MARCHF1: variants seen among roughly 807,000 people sequenced by gnomAD.
MARCHF1 encodes E3 ubiquitin-protein ligase MARCHF1.
MARCHF1 carries 40 observed loss-of-function variants against 54.2 expected under a neutral mutation model. That is an observed-to-expected ratio of 0.74 (90% confidence interval 0.57 to 0.96). The LOEUF (loss-of-function observed/expected upper bound fraction) is 0.96, where lower values mean the gene tolerates loss of function less well. Among genes scored for constraint, MARCHF1 ranks in the 40% least tolerant of loss-of-function variants. MARCHF1 has a pLI of 0.00. For synonymous variants in MARCHF1, 236 were observed against 236.3 expected (o/e 1.00, Z 0.01); for missense variants, 586 against 656.5 (o/e 0.89, Z 1.17).
chr4:163,893,455 T>C (rs1750708161), intron 3 of MARCHF1, among the ~76,000 whole-genome samples: 1 of 152,154 alleles, frequency 6.6e-6, no homozygotes, highest in South Asian at 2.1e-4. Context: ...TTAGGGCTGT[T>C]TGCCATACAA....
intron 1 of MARCHF1, among the ~76,000 whole-genome samples, chr4:164,275,954 C>CT (rs1013218885): frequency 6.6e-6 from 1 of 152,132 alleles, no homozygotes; most frequent in Non-Finnish European, 1.5e-5. Context: ...ATTTGTCATT[C>CT]TTTTGTTTAT....
intron 8 of MARCHF1, among the ~76,000 whole-genome samples, chr4:163,573,862 G>C (rs1278646546): frequency 6.6e-6 from 1 of 151,570 alleles, no homozygotes; most frequent in Non-Finnish European, 1.5e-5. Context: ...GGTATTTCTA[G>C]TTCTAGATCC....
intron 1 of MARCHF1, among the ~76,000 whole-genome samples, chr4:164,121,915 C>T (rs184689769): frequency 1.3e-5 from 2 of 152,138 alleles, no homozygotes; most frequent in Admixed American, 1.3e-4. Flanking sequence ...AGGCCAATAT[C>T]TCTGATGAAT....
intron 1 of MARCHF1, among the ~76,000 whole-genome samples, chr4:164,290,739 C>A (rs1734266038): frequency 6.6e-6 from 1 of 151,882 alleles, no homozygotes; most frequent in South Asian, 2.1e-4. Flanking sequence ...AGTATTCATA[C>A]TTCACTTTAA....
intron 4 of MARCHF1, among the ~76,000 whole-genome samples, chr4:163,722,911 T>C (rs1322860226): frequency 6.6e-6 from 1 of 152,198 alleles, no homozygotes; most frequent in Non-Finnish European, 1.5e-5. Flanking sequence ...TTTGAGCCTA[T>C]GTGTGTCTCT....
chr4:163,593,374 A>G (rs1314605915), intron 7 of MARCHF1, among the ~76,000 whole-genome samples: 1 of 152,226 alleles, frequency 6.6e-6, no homozygotes, highest in African/African-American at 2.4e-5. Context: ...AAAAAGGCAA[A>G]ACAAAGGGAC....
At chr4:163,752,280 G>C (rs1579257008) in intron 4 of MARCHF1, among the ~76,000 whole-genome samples, 1 of 149,990 alleles carries the variant, frequency 6.7e-6, no homozygotes, top group Non-Finnish European at 1.5e-5. Context: ...AAATGGGAAA[G>C]GTTTTTTAAA....
intron 3 of MARCHF1, among the ~76,000 whole-genome samples, chr4:163,854,487 G>A (rs1226305728): frequency 6.6e-6 from 1 of 152,130 alleles, no homozygotes; most frequent in African/African-American, 2.4e-5. Flanking sequence ...ATAACAGTAA[G>A]TCCTTACTTC....
At chr4:164,061,700 A>T (rs983705444) in intron 2 of MARCHF1, among the ~76,000 whole-genome samples, 4 of 140,032 alleles carry the variant, frequency 2.9e-5, no homozygotes, top group African/African-American at 8.7e-5. Flanking sequence ...AATAAAAATT[A>T]AAAAAAACAA....
chr4:163,553,227 C>G (rs940318818), intron 8 of MARCHF1, among the ~76,000 whole-genome samples: 2 of 152,312 alleles, frequency 1.3e-5, no homozygotes, highest in East Asian at 3.9e-4. Context: ...ATGCAGAACA[C>G]TATCAGGCAC....
intron 1 of MARCHF1, among the ~76,000 whole-genome samples, chr4:164,359,227 G>A (rs1404118806): frequency 1.3e-5 from 2 of 152,302 alleles, no homozygotes; most frequent in African/African-American, 4.8e-5. Context: ...GTCATTGCAT[G>A]TGTGTGGTAG....
chr4:163,971,292 C>T (rs868223402), intron 3 of MARCHF1, among the ~76,000 whole-genome samples: 3 of 152,116 alleles, frequency 2.0e-5, no homozygotes, highest in Non-Finnish European at 2.9e-5. Context: ...GCCATCCACA[C>T]GAAGACTCAG....
intron 3 of MARCHF1, among the ~76,000 whole-genome samples, chr4:163,953,181 G>A (rs1441971072): frequency 1.3e-5 from 2 of 151,996 alleles, no homozygotes; most frequent in South Asian, 2.1e-4. Context: ...TATTTGTGAC[G>A]GTCTCCCTCA....
At position 163,970,706 on chromosome 4, in the gene MARCHF1, G is replaced by T. The variant is rs1168649024; in HGVS notation, c.-39+17795C>A. Among the ~76,000 whole-genome samples the T allele has an allele frequency of 5.3e-5, 8 of 152,146 alleles. No homozygotes were observed. The South Asian group carries it at 1.7e-3, about 31-fold the overall frequency. ...AGTTTATTTCTATTTACCTGAAAAA[G>T]AGGAGCTTGATTACTATTAACCTAT... is the stretch of plus-strand genomic sequence containing the variant. On this transcript the variant is annotated intron_variant, in intron 3 of 9. Transcript: ENST00000514618.
chr4:163,650,356 A>G (rs1328036621), intron 5 of MARCHF1, among the ~76,000 whole-genome samples: 1 of 152,016 alleles, frequency 6.6e-6, no homozygotes, highest in Non-Finnish European at 1.5e-5. Flanking sequence ...GTATTCAAAA[A>G]ACATGAGACT....
At chr4:164,280,054 G>T (rs1185263275) in intron 1 of MARCHF1, among the ~76,000 whole-genome samples, 1 of 151,480 alleles carries the variant, frequency 6.6e-6, no homozygotes, top group Non-Finnish European at 1.5e-5. Context: ...TCAATATGTG[G>T]CAAGAGCATA....
At chr4:163,756,906 A>G (rs1399738027) in intron 4 of MARCHF1, among the ~76,000 whole-genome samples, 2 of 152,100 alleles carry the variant, frequency 1.3e-5, no homozygotes, top group Non-Finnish European at 2.9e-5. Flanking sequence ...TGAGAAAAAA[A>G]AGAAATGGAT....
rs577322064 is a variant in MARCHF1, at chr4:164,045,721, A to T, written c.-247-57012T>A. ...CAAAATACACCGTTCTAACAGAAAA[A>T]AAAAAACTAGTCATGTAATACACTT... On this transcript the variant is annotated intron_variant, in intron 2 of 9. Coordinates refer to ENST00000514618, the MANE Select transcript of MARCHF1 (RefSeq NM_001394959.1). Among the ~76,000 whole-genome samples, 10 of 150,810 alleles carry T rather than the reference A, an allele frequency of 6.6e-5. No individual in the cohort carries two copies. The South Asian group carries it at 1.5e-3, about 23-fold the overall frequency.
intron 2 of MARCHF1, among the ~76,000 whole-genome samples, chr4:164,064,063 G>A (rs1331363441): frequency 6.6e-6 from 1 of 152,162 alleles, no homozygotes; most frequent in Non-Finnish European, 1.5e-5. Flanking sequence ...GGTTACTGTA[G>A]CCCTGTAGTA....
Sources: gnomAD v4.1 joint callset for allele counts (sites outside exome capture counted in the v4.1 genomes callset) on GRCh38, gnomAD v4.1.1 for gene constraint, MANE v1.5 for transcripts, NCBI Gene and HGNC (gene_info 2026-07-23, HGNC 2026-07-21) for gene names.